ASCC2: variants seen among roughly 807,000 people sequenced by gnomAD.
ASCC2 encodes ASC-1 complex subunit P100.
ASCC2 carries 42 observed loss-of-function variants against 93.5 expected under a neutral mutation model. That is an observed-to-expected ratio of 0.45 (90% CI 0.35 to 0.58). ASCC2 has a LOEUF of 0.58. ASCC2 is among the 20% of genes least tolerant of loss of function. ASCC2 has a pLI of 0.00. For missense variants in ASCC2, 859 were observed against 977.6 expected (o/e 0.88, Z 1.62); for synonymous variants, 364 against 384.2 (o/e 0.95, Z 0.62).
chr22:29,809,400 G>A (rs1352219395), intron 8 of ASCC2, among the ~76,000 whole-genome samples: 1 of 151,774 alleles, frequency 6.6e-6, no homozygotes, highest in Non-Finnish European at 1.5e-5. Flanking sequence ...ATATTGCCCA[G>A]GCTAGTTTTG....
intron 1 of ASCC2, among the ~76,000 whole-genome samples, chr22:29,835,115 C>T (rs1014087358): frequency 6.6e-6 from 1 of 152,190 alleles, no homozygotes; most frequent in Admixed American, 6.5e-5. Flanking sequence ...AAGAAATTCA[C>T]GGCCAGGTGC....
rs2148480767 is a variant in ASCC2, at chr22:29,838,225, G to GCCGCCA, written c.-66_-65insTGGCGG. The GCCGCCA allele has an allele frequency of 2.1e-6, 1 of 467,400 alleles. No individual in the cohort carries two copies. Among genetic ancestry groups the GCCGCCA allele is most frequent in the Non-Finnish European group, 4.3e-6 (1 of 232,218 alleles). The allele number at this position is 467,400 out of a possible 1,614,324, so 29.0% of individuals were successfully genotyped here. On this transcript the variant is annotated 5_prime_UTR_variant, in exon 1 of 20. Transcript: ENST00000307790. ...CTGTGCCGCCGCCGCCGCCGCCGCCGCCGACCACGGTGACAGCTCCCTGAG... is the reference window on the plus strand; with the variant it reads ...CTGTGCCGCCGCCGCCGCCGCCGCCGCCGCCACCGACCACGGTGACAGCTCCCTGAG...
rs1284473626 is a variant in ASCC2, at chr22:29,802,091, G to A, written c.1471C>T (p.Leu491=). 10 of 1,614,106 alleles carry A rather than the reference G, an allele frequency of 6.2e-6. No individual in the cohort carries two copies. Among genetic ancestry groups the A allele is most frequent in the Non-Finnish European group, 8.5e-6 (10 of 1,180,046 alleles). The change falls in exon 14 of 20, where the codon CTG becomes TTG. Residue 491 remains leucine (L), a synonymous_variant. Coordinates refer to ENST00000307790, the MANE Select transcript of ASCC2 (RefSeq NM_032204.5). ...TCTGGGTCGTAGTGGTAGTACTCCA[G>A]GCAGGCCAGGATGAAGCCCTCACCA... ...DLGEGFILAC[L]EYYHYDPEQV...
At chr22:29,821,857 G>T in intron 5 of ASCC2, 1 of 380,950 alleles carries the variant, frequency 2.6e-6, no homozygotes. Context: ...TAATTCGCCA[G>T]GCATGGTGGT....
chr22:29,814,900 A>C (rs1219907591), intron 6 of ASCC2, 133 bp from the exon 7 acceptor site: 1 of 671,472 alleles, frequency 1.5e-6, no homozygotes, highest in African/African-American at 1.9e-5. Context: ...CCAGGATATA[A>C]GCTGAGACAA....
chr22:29,811,022 C>T (rs1196623941), intron 8 of ASCC2, among the ~76,000 whole-genome samples: 2 of 152,094 alleles, frequency 1.3e-5, no homozygotes, highest in African/African-American at 4.8e-5. Context: ...TGAGCCACTG[C>T]GCCTGGCCTC....
chr22:29,832,476 G>A (rs2148394130), intron 1 of ASCC2, 134 bp from the exon 2 acceptor site: 1 of 671,206 alleles, frequency 1.5e-6, no homozygotes, highest in Non-Finnish European at 2.5e-6. Context: ...TGTGGTTCAG[G>A]ACCTGGTTCA....
chr22:29,801,041 A>T lies in ASCC2; in HGVS notation c.1638T>A (p.Asp546Glu), dbSNP rs773654817. The change falls in exon 15 of 20, where the codon GAT (aspartate) becomes GAA (glutamate). Residue 546 changes from aspartate (D) to glutamate (E), a missense_variant. Asp to Glu is a conservative substitution (Grantham distance 45). Coordinates refer to ENST00000307790, the MANE Select transcript of ASCC2 (RefSeq NM_032204.5). ...GGTCTACTGAGTCCCTGCTGAACACATCAAACTCGTCATTCTGGAAGACGT... is the reference window on the plus strand; with the variant it reads ...GGTCTACTGAGTCCCTGCTGAACACTTCAAACTCGTCATTCTGGAAGACGT... The part of the protein sequence containing the change: ...RHNVFQNDEF[D>E]VFSRDSVDLS... The T allele has an allele frequency of 6.2e-7, 1 of 1,609,590 alleles. No individual in the cohort carries two copies.
intron 15 of ASCC2, 35 bp from the exon 16 acceptor site, chr22:29,793,711 C>T: frequency 6.5e-7 from 1 of 1,540,106 alleles, no homozygotes; most frequent in South Asian, 1.2e-5. Flanking sequence ...GGAAGGAAAA[C>T]CATCAGGCTT....
chr22:29,808,041 C>CAGGG (rs1413745994), intron 9 of ASCC2, 70 bp downstream of exon 9: 2 of 1,522,400 alleles, frequency 1.3e-6, no homozygotes, highest in Admixed American at 1.7e-5. Flanking sequence ...TGCTAATGCC[C>CAGGG]AGGGAAGGCA....
chr22:29,803,252 C>A (rs1200531468), intron 13 of ASCC2, among the ~76,000 whole-genome samples: 9 of 145,410 alleles, frequency 6.2e-5, no homozygotes, highest in East Asian at 2.0e-4. Context: ...ACTCCATCTC[C>A]AAAAAAAAAA....
chr22:29,796,557 A>C (rs1023866358), intron 15 of ASCC2, among the ~76,000 whole-genome samples: 1 of 152,172 alleles, frequency 6.6e-6, no homozygotes, highest in Non-Finnish European at 1.5e-5. Context: ...AGGAGCCCCA[A>C]GGTATGGCAG....
At chr22:29,808,047 AG>A (rs1442300705) in intron 9 of ASCC2, 63 bp downstream of exon 9, 9 of 1,534,898 alleles carry the variant, frequency 5.9e-6, no homozygotes, top group Admixed American at 3.4e-5. Flanking sequence ...TGCCCAGGGA[AG>A]GCAGGGCCCT....
Position 29,813,444 on chromosome 22 carries a change from G to A in ASCC2, c.819C>T (p.His273=), listed in dbSNP as rs778483905. Residue 273 remains histidine (H), a synonymous_variant, in exon 8 of 20, where the codon CAC becomes CAT. Coordinates refer to ENST00000307790, the MANE Select transcript of ASCC2 (RefSeq NM_032204.5). ...FPLACQTFQK[H]DFCYRLASFY... ...TACCGCCTTACCTGTAACAAAAGTC[G>A]TGCTTCTGGAAGGTCTGGCAAGCCA... 7.4e-6 allele frequency: 12 copies of A among 1,611,776 alleles called. No individual in the cohort carries two copies. The highest frequency in any genetic ancestry group is 3.3e-5 in the Admixed American group (2 of 60,022).
intron 1 of ASCC2, chr22:29,834,488 C>A (rs889406484): frequency 3.0e-5 from 14 of 470,894 alleles, no homozygotes; most frequent in Admixed American, 2.4e-4. Context: ...GTCCTTGACA[C>A]CTGTTCCAGC....
chr22:29,817,340 A>G (rs2060982358), intron 5 of ASCC2, among the ~76,000 whole-genome samples: 1 of 152,124 alleles, frequency 6.6e-6, no homozygotes, highest in Non-Finnish European at 1.5e-5. Context: ...GATTAAGTCC[A>G]AACTCCTGAC....
Position 29,792,665 on chromosome 22 carries a change from C to G in ASCC2, c.1920-130G>C, listed in dbSNP as rs6006258. The G allele has an allele frequency of 2.5e-4, 313 of 1,270,174 alleles. No individual in the cohort carries two copies. The African/African-American group carries it at 3.6e-3, about 15-fold the overall frequency. 78.7% of individuals were successfully genotyped at this position (1,270,174 alleles called of 1,614,324 possible). A position where few individuals can be genotyped will look rare whatever the true frequency, so the allele number is the denominator to read the frequency against. On this transcript the variant is annotated intron_variant, in intron 17 of 19. Transcript: ENST00000307790. ...TCAGGAGGTTGGGAAAAACCAAAAG[C>G]CTTTCAAGCCAGATTTGCTCCAGCC...
intron 2 of ASCC2, 50 bp downstream of exon 2, chr22:29,832,185 TGCTCCTGAAA>T: frequency 6.8e-7 from 1 of 1,463,322 alleles, no homozygotes; most frequent in Admixed American, 1.8e-5. Flanking sequence ...ATTTACTTTT[TGCTCCTGAAA>T]TTGCAAGACT....
intron 5 of ASCC2, chr22:29,822,073 C>A: frequency 4.9e-6 from 2 of 409,942 alleles, no homozygotes; most frequent in Non-Finnish European, 9.2e-6. Context: ...TCAAGTGATT[C>A]TCCTGAAAAA....
Sources: allele counts gnomAD v4.1 joint callset (sites outside exome capture counted in the v4.1 genomes callset), GRCh38; gene constraint gnomAD v4.1.1; transcripts MANE v1.5; gene names NCBI Gene and HGNC (gene_info 2026-07-23, HGNC 2026-07-21).